FER1L6: variants seen among roughly 807,000 people sequenced by gnomAD.
The protein encoded by FER1L6 is fer-1-like protein 6.
FER1L6 carries 177 observed loss-of-function variants against 219.2 expected under a neutral mutation model. That is an observed-to-expected ratio of 0.81 (90% CI 0.71 to 0.91). The LOEUF (loss-of-function observed/expected upper bound fraction) is 0.91. Ranked by LOEUF, FER1L6 falls within the 40% of genes least tolerant of loss-of-function variation. FER1L6 has a pLI of 0.00. For missense variants in FER1L6, 2,153 were observed against 2,259.9 expected (o/e 0.95, Z 0.96); for synonymous variants, 768 against 824.3 (o/e 0.93, Z 1.17).
chr8:123,859,041 C>T (rs1214468480), intron 1 of FER1L6, among the ~76,000 whole-genome samples: 2 of 151,900 alleles, frequency 1.3e-5, no homozygotes, highest in Non-Finnish European at 2.9e-5. Flanking sequence ...CATTCTGTCA[C>T]ACAGGCTGGA....
At chr8:124,010,745 G>C (rs114927246) in intron 14 of FER1L6, 31 bp downstream of exon 14, 24,097 of 1,608,004 alleles carry the variant, frequency 0.015, 331 homozygotes, top group African/African-American at 0.057. Context: ...ATGGATTAGA[G>C]AATTGGGAAG....
At chr8:124,102,755 G>A (rs1235178017) in intron 38 of FER1L6, among the ~76,000 whole-genome samples, 1 of 152,200 alleles carries the variant, frequency 6.6e-6, no homozygotes, top group African/African-American at 2.4e-5. Flanking sequence ...AGAGAGAGGT[G>A]AAGTGGGGTG....
At chr8:123,902,704 G>A (rs903506194) in intron 1 of FER1L6, among the ~76,000 whole-genome samples, 2 of 152,142 alleles carry the variant, frequency 1.3e-5, no homozygotes, top group Non-Finnish European at 2.9e-5. Context: ...CCTCCTGACG[G>A]CAGCAAATGG....
intron 12 of FER1L6, among the ~76,000 whole-genome samples, chr8:123,990,368 C>G (rs1315026464): frequency 6.6e-6 from 1 of 152,160 alleles, no homozygotes; most frequent in Non-Finnish European, 1.5e-5. Flanking sequence ...CCCTTTTCAC[C>G]ACATTCACGC....
intron 12 of FER1L6, among the ~76,000 whole-genome samples, chr8:123,996,733 C>A (rs1817150434): frequency 1.3e-5 from 2 of 151,994 alleles, no homozygotes; most frequent in Non-Finnish European, 2.9e-5. Flanking sequence ...TTATTGAAGG[C>A]AATTTTCTCT....
chr8:124,069,554 C>A lies in FER1L6; in HGVS notation c.3834+79C>A, dbSNP rs531588883. ...GAGGTTCTGTCAGTGCTTTGGTCAA[C>A]CCTAGTCATGCCTTTGTTTGATATT... On this transcript the variant is annotated intron_variant, in intron 29 of 40. Coordinates refer to ENST00000522917, the MANE Select transcript of FER1L6 (RefSeq NM_001039112.2). The A allele has an allele frequency of 1.0e-4, 99 of 959,048 alleles. 1 individual carries two copies. The South Asian group carries it at 1.6e-3, about 15-fold the overall frequency. The allele number at this position is 959,048 out of a possible 1,614,324, so 59.4% of individuals were successfully genotyped here.
At chr8:124,113,036 A>G (rs1005428280) in intron 39 of FER1L6, among the ~76,000 whole-genome samples, 2 of 152,180 alleles carry the variant, frequency 1.3e-5, no homozygotes, top group Non-Finnish European at 2.9e-5. Flanking sequence ...ACATAATAGT[A>G]ATCATTCCAT....
At chr8:124,072,520 G>T (rs975814068) in intron 31 of FER1L6, among the ~76,000 whole-genome samples, 2 of 152,078 alleles carry the variant, frequency 1.3e-5, no homozygotes, top group South Asian at 2.1e-4. Flanking sequence ...TATATCAACC[G>T]TTTGCTTCCA....
At chr8:124,034,475 G>T (rs965460767) in intron 18 of FER1L6, among the ~76,000 whole-genome samples, 2 of 152,190 alleles carry the variant, frequency 1.3e-5, no homozygotes, top group African/African-American at 4.8e-5. Context: ...ACAGGCGTAT[G>T]TACACACATA....
chr8:123,990,919 T>C (rs1437436590), intron 12 of FER1L6, among the ~76,000 whole-genome samples: 2 of 152,342 alleles, frequency 1.3e-5, no homozygotes, highest in African/African-American at 2.4e-5. Context: ...AGTTTTATTC[T>C]TCTACGTGTG....
rs1396889959 is a variant in FER1L6 at position 123,975,946 on chromosome 8, A to G, written c.732A>G (p.Arg244=). The G allele has an allele frequency of 1.2e-6, 2 of 1,613,496 alleles. No individual in the cohort carries two copies. The highest frequency in any genetic ancestry group is 1.7e-6 in the Non-Finnish European group (2 of 1,179,754). The change falls in exon 9 of 41, where the codon AGA becomes AGG. Residue 244 remains arginine (R), a synonymous_variant. Transcript: ENST00000522917. ...NGFPLERPWA[R]FYVRLYKAEG... is the part of the protein sequence containing the mutation. The stretch of plus-strand genomic sequence containing the variant: ...TTCCACTGGAGAGACCGTGGGCCAG[A>G]TTCTATGTGAGACTCTACAAAGCAG...
At chr8:123,863,834 T>C (rs1816784854) in intron 1 of FER1L6, among the ~76,000 whole-genome samples, 1 of 150,908 alleles carries the variant, frequency 6.6e-6, no homozygotes, top group South Asian at 2.1e-4. Flanking sequence ...ATTTGCTTGG[T>C]AGATCTTCCT....
chr8:123,870,627 G>C (rs1004236941), intron 1 of FER1L6, among the ~76,000 whole-genome samples: 3 of 152,172 alleles, frequency 2.0e-5, no homozygotes, highest in African/African-American at 7.2e-5. Flanking sequence ...ATGATAAATA[G>C]GTCACAGTTG....
chr8:123,852,511 TGTTTGAC>T lies in FER1L6; in HGVS notation c.-8+327_-8+333del, dbSNP rs1816531135. 3.7e-5 allele frequency among the ~76,000 whole-genome samples: 5 copies of T among 136,552 alleles called. No individual in the cohort carries two copies. Among genetic ancestry groups the T allele is most frequent in the African/African-American group, 1.4e-4 (5 of 36,886 alleles). The allele number at this position is 136,552 out of a possible 152,430, so 89.6% of individuals were successfully genotyped here. On this transcript the variant is annotated intron_variant, in intron 1 of 40. Coordinates refer to ENST00000522917, the MANE Select transcript of FER1L6 (RefSeq NM_001039112.2). This position sits in a 1 kb window ranked among gnomAD's most constrained non-coding sequence, Gnocchi z 4.9. ...GTGTGTGTGTGTGTGTGTGTGTGTG[TGTTTGAC>T]AGAGACAGAGGGAGGAGAAAGAAGA...
At chr8:123,882,179 A>T (rs1320159256) in intron 1 of FER1L6, among the ~76,000 whole-genome samples, 1 of 147,284 alleles carries the variant, frequency 6.8e-6, no homozygotes, top group Admixed American at 6.7e-5. Context: ...CCACAAAACC[A>T]CATTTTTTTT....
intron 1 of FER1L6, among the ~76,000 whole-genome samples, chr8:123,855,708 TAC>T (rs140178078): frequency 0.054 from 7,731 of 142,732 alleles, 740 homozygotes; most frequent in African/African-American, 0.19. Context: ...TGTGTATATG[TAC>T]ACACACACAC....
intron 1 of FER1L6, among the ~76,000 whole-genome samples, chr8:123,859,911 C>T (rs1328269330): frequency 6.8e-6 from 1 of 146,374 alleles, no homozygotes; most frequent in African/African-American, 2.6e-5. Context: ...CATAGTATTC[C>T]ATGGTGTATA....
chr8:123,856,292 G>GTATATA (rs1255382948), intron 1 of FER1L6, among the ~76,000 whole-genome samples: 1 of 67,464 alleles, frequency 1.5e-5, no homozygotes, highest in East Asian at 3.0e-4. Flanking sequence ...ATGTGTGTGT[G>GTATATA]TATATATATA....
At chr8:123,977,642 C>T (rs2130312198) in intron 10 of FER1L6, 33 bp downstream of exon 10, 1 of 1,601,746 alleles carries the variant, frequency 6.2e-7, no homozygotes, top group East Asian at 2.2e-5. Context: ...TGAAAAATGT[C>T]TCAAAATGCT....
Sources: allele counts gnomAD v4.1 joint callset (sites outside exome capture counted in the v4.1 genomes callset), GRCh38; gene constraint gnomAD v4.1.1; non-coding constraint Gnocchi (gnomAD v3.1); transcripts MANE v1.5; gene names NCBI Gene and HGNC (gene_info 2026-07-23, HGNC 2026-07-21).